MYO7B: variants seen among roughly 807,000 people sequenced by gnomAD.
MYO7B encodes myosin VIIB, also known as unconventional myosin-VIIb.
Under a neutral mutation model 259.7 loss-of-function variants are expected in MYO7B, and 212 were observed. That is an observed-to-expected ratio of 0.82 (90% CI 0.73 to 0.91). The LOEUF (loss-of-function observed/expected upper bound fraction) is 0.91. Among genes scored for constraint, MYO7B ranks in the 40% least tolerant of loss-of-function variants. The pLI is 0.00. For missense variants in MYO7B, 2,732 were observed against 2,813.5 expected (o/e 0.97, Z 0.66); for synonymous variants, 1,197 against 1,166.4 (o/e 1.03, Z -0.54).
At position 127,627,034 on chromosome 2, in the gene MYO7B, C is replaced by G. The variant is rs371680494; in HGVS notation, c.4275C>G (p.Ala1425=). ...PLAVREQVVD[A]ARLQWPLLFS... ...CCGTGCGAGAGCAGGTGGTGGACGC[C>G]GCCCGCCTGCAGTGGCCGCTGCTCT... The change falls in exon 32 of 48, where the codon GCC becomes GCG. Residue 1425 remains alanine (A), a synonymous_variant. Transcript: ENST00000409816. The surrounding 1 kb of genome is among the most constrained non-coding windows in gnomAD (Gnocchi z 5.6). 8.7e-6 allele frequency: 14 copies of G among 1,610,446 alleles called. No homozygotes were observed. The East Asian group carries it at 2.9e-4, about 33-fold the overall frequency.
chr2:127,559,728 G>T lies in MYO7B; in HGVS notation c.6G>T (p.Ser2=). The change falls in exon 2 of 48, where the codon TCG becomes TCT. Residue 2 remains serine (S), a synonymous_variant. Coordinates refer to ENST00000409816, the MANE Select transcript of MYO7B (RefSeq NM_001393586.1). This position sits in a 1 kb window ranked among gnomAD's most constrained non-coding sequence, Gnocchi z 4.1. ...TGTGGAACTGCTGACTCAGGATGTCGGGGTTCAGGCTGGTAAGAATTGTAT... is the reference window on the plus strand; with the variant it reads ...TGTGGAACTGCTGACTCAGGATGTCTGGGTTCAGGCTGGTAAGAATTGTAT... M[S]GFRLGDHVWL... The T allele has an allele frequency of 6.2e-7, 1 of 1,613,958 alleles. No homozygotes were observed. Among genetic ancestry groups the T allele is most frequent in the South Asian group, 1.1e-5 (1 of 91,086 alleles).
intron 12 of MYO7B, among the ~76,000 whole-genome samples, chr2:127,583,565 G>A (rs1679186505): frequency 6.6e-6 from 1 of 152,232 alleles, no homozygotes; most frequent in African/African-American, 2.4e-5. Context: ...GAGGGACAGA[G>A]ACAGAAACTC....
chr2:127,584,894 G>T lies in MYO7B; in HGVS notation c.1671G>T (p.Glu557Asp), dbSNP rs961481894. The T allele has an allele frequency of 6.8e-6, 11 of 1,613,936 alleles. No individual in the cohort carries two copies. The highest frequency in any genetic ancestry group is 9.3e-6 in the Non-Finnish European group (11 of 1,179,886). The change falls in exon 14 of 48, where the codon GAG becomes GAT. Residue 557 changes from glutamate to aspartate, a missense_variant. Transcript: ENST00000409816. The surrounding 1 kb of genome is among the most constrained non-coding windows in gnomAD (Gnocchi z 5.8). ...TTGGCATTGCCCATTTTGCCGGCGA[G>T]GTGTACTACCAAGCAGAAGGTGGGT... ...ARFGIAHFAGEVYYQAEGFLE... is the reference protein window; with the variant it reads ...ARFGIAHFAGDVYYQAEGFLE...
chr2:127,596,124 G>A (rs1266094949), intron 18 of MYO7B, among the ~76,000 whole-genome samples: 7 of 152,146 alleles, frequency 4.6e-5, no homozygotes, highest in South Asian at 2.1e-4. Flanking sequence ...GCTTTTACAC[G>A]GTTGGATGCA....
chr2:127,634,213 T>C lies in MYO7B; in HGVS notation c.5549T>C (p.Val1850Ala). 1 of 1,603,238 alleles carries C rather than the reference T, an allele frequency of 6.2e-7. No individual in the cohort carries two copies. The change falls in exon 41 of 48, where the codon GTG becomes GCG. Residue 1850 changes from valine (V) to alanine (A), a missense_variant. Coordinates refer to ENST00000409816, the MANE Select transcript of MYO7B (RefSeq NM_001393586.1). The part of the protein sequence containing the change: ...EVVANTRVRD[V>A]CDSIATRLQL... Reference sequence around the variant, plus strand: ...GTTGCCAACACACGGGTGCGGGATGTGTGTGACAGCATTGCCACCAGGCTG... The same window carrying C: ...GTTGCCAACACACGGGTGCGGGATGCGTGTGACAGCATTGCCACCAGGCTG...
In MYO7B at chr2:127,576,201, A is replaced by G. The variant is rs1229669433; in HGVS notation, c.736-394A>G. Among the ~76,000 whole-genome samples, 1 of 144,030 alleles carries G rather than the reference A, an allele frequency of 6.9e-6. No homozygotes were observed. The highest frequency in any genetic ancestry group is 2.6e-5 in the African/African-American group (1 of 39,144). The allele number at this position is 144,030 out of a possible 152,430, so 94.5% of individuals were successfully genotyped here. On this transcript the variant is annotated intron_variant, in intron 7 of 47. Coordinates refer to ENST00000409816, the MANE Select transcript of MYO7B (RefSeq NM_001393586.1). The surrounding 1 kb of genome is among the most constrained non-coding windows in gnomAD (Gnocchi z 4.9). ...GTGACAGAGCAAGACCTTCTCTCGGAAAAAAAAAAAATACTGAAGGCCTAG... is the reference window on the plus strand; with the variant it reads ...GTGACAGAGCAAGACCTTCTCTCGGGAAAAAAAAAAATACTGAAGGCCTAG...
At chr2:127,595,432 T>C (rs929758282) in intron 18 of MYO7B, among the ~76,000 whole-genome samples, 17 of 152,194 alleles carry the variant, frequency 1.1e-4, no homozygotes, top group African/African-American at 3.6e-4. Context: ...CCTGGATTCA[T>C]TGATTTTTTG....
intron 3 of MYO7B, among the ~76,000 whole-genome samples, 165 bp downstream of exon 3, chr2:127,564,431 G>A (rs1362394724): frequency 6.6e-6 from 1 of 152,180 alleles, no homozygotes; most frequent in Non-Finnish European, 1.5e-5. Context: ...TGGAGAACAT[G>A]GCCTGTGTGT....
intron 1 of MYO7B, among the ~76,000 whole-genome samples, chr2:127,536,964 C>T (rs560923321): frequency 1.3e-5 from 2 of 152,296 alleles, no homozygotes; most frequent in East Asian, 1.9e-4. Context: ...GAGGCGGCAC[C>T]ACAGGGATGA....
rs1681205947 is a variant in MYO7B at position 127,627,521 on chromosome 2, C to T, written c.4460+211C>T. ...CTGCCCATGAAGTACTCCATTGGGG[C>T]ATCACGCGTTGCACTGGCAGCTTCT... On this transcript the variant is annotated intron_variant, in intron 33 of 47. Coordinates refer to ENST00000409816, the MANE Select transcript of MYO7B (RefSeq NM_001393586.1). This position sits in a 1 kb window ranked among gnomAD's most constrained non-coding sequence, Gnocchi z 5.6. The T allele has an allele frequency of 2.7e-6, 2 of 731,722 alleles. No individual in the cohort carries two copies. The highest frequency in any genetic ancestry group is 2.4e-6 in the Non-Finnish European group (1 of 421,232). 45.3% of individuals were successfully genotyped at this position (731,722 alleles called of 1,614,324 possible). A position where few individuals can be genotyped will look rare whatever the true frequency, so the allele number is the denominator to read the frequency against.
chr2:127,571,835 AG>A (rs1468026039), intron 6 of MYO7B, among the ~76,000 whole-genome samples: 1 of 152,134 alleles, frequency 6.6e-6, no homozygotes, highest in Non-Finnish European at 1.5e-5. Context: ...TTTATAAGAT[AG>A]GTGTTACATC....
At position 127,595,887 on chromosome 2, in the gene MYO7B, T is replaced by G. The variant is rs1679752175; in HGVS notation, c.2245-575T>G. ...GCTGAGGGTGTTTTACTTCCAATTA[T>G]GTGATCAATTTTAGAGTAAGTGCAT... On this transcript the variant is annotated intron_variant, in intron 18 of 47. Transcript: ENST00000409816. 2.6e-5 allele frequency among the ~76,000 whole-genome samples: 4 copies of G among 152,232 alleles called. No individual in the cohort carries two copies. In the South Asian group the frequency reaches 8.3e-4, roughly 32 times the overall value.
intron 1 of MYO7B, among the ~76,000 whole-genome samples, chr2:127,555,367 T>A (rs11678062): frequency 0.12 from 17,786 of 152,196 alleles, 1,365 homozygotes; most frequent in South Asian, 0.31. Context: ...TGGGTTTTTG[T>A]TGTTGTTGTT....
chr2:127,545,031 A>C (rs1207079002), intron 1 of MYO7B, among the ~76,000 whole-genome samples: 4 of 152,136 alleles, frequency 2.6e-5, no homozygotes, highest in Non-Finnish European at 4.4e-5. Context: ...GGCCCTAACC[A>C]TGCTTTTTAA....
rs1038245018 is a variant in MYO7B at position 127,614,219 on chromosome 2, G to A, written c.3398+1616G>A. On this transcript the variant is annotated intron_variant, in intron 26 of 47. Coordinates refer to ENST00000409816, the MANE Select transcript of MYO7B (RefSeq NM_001393586.1). The surrounding 1 kb of genome is among the most constrained non-coding windows in gnomAD (Gnocchi z 4.6). ...CACTCCCATACAGTGCTGGTGTCCA[G>A]CAGTGATACTGTCCAACACTGATCC... Among the ~76,000 whole-genome samples, 3 of 152,186 alleles carry A rather than the reference G, an allele frequency of 2.0e-5. No individual in the cohort carries two copies. Among genetic ancestry groups the A allele is most frequent in the African/African-American group, 7.2e-5 (3 of 41,450 alleles).
chr2:127,612,745 T>C lies in MYO7B; in HGVS notation c.3398+142T>C. The stretch of plus-strand genomic sequence containing the variant: ...GCAGGCTGGGTCTCAGGACAGCAGA[T>C]GTCATAGCTACCGAGGGTTCTCTAT... On this transcript the variant is annotated intron_variant, in intron 26 of 47. Coordinates refer to ENST00000409816, the MANE Select transcript of MYO7B (RefSeq NM_001393586.1). 2.3e-6 allele frequency: 3 copies of C among 1,314,546 alleles called. No homozygotes were observed. In the South Asian group the frequency reaches 4.6e-5, roughly 20 times the overall value. 81.4% of individuals were successfully genotyped at this position (1,314,546 alleles called of 1,614,324 possible).
Position 127,578,244 on chromosome 2 carries a change from C to G in MYO7B, c.961C>G (p.Leu321Val). The part of the protein sequence containing the change: ...SDSESWDVIK[L>V]LAAILHLGNV... ...CTCCGAGAGCTGGGACGTCATCAAG[C>G]TGCTGGCTGCCATTCTCCACCTGGG... is the stretch of plus-strand genomic sequence containing the variant. Residue 321 changes from leucine to valine, a missense_variant, in exon 9 of 48, where the codon CTG becomes GTG. Around this residue, in one of 3 missense-constraint regions of MYO7B, gnomAD observed 1,906 missense variants for 2,026.4 expected, o/e 0.94. Coordinates refer to ENST00000409816, the MANE Select transcript of MYO7B (RefSeq NM_001393586.1). 6.2e-7 allele frequency: 1 copy of G among 1,613,776 alleles called. No homozygotes were observed. The highest frequency in any genetic ancestry group is 8.5e-7 in the Non-Finnish European group (1 of 1,179,866).
At chr2:127,592,714 G>GC in intron 16 of MYO7B, 80 bp from the exon 17 acceptor site, 1 of 1,524,310 alleles carries the variant, frequency 6.6e-7, no homozygotes, top group Non-Finnish European at 8.8e-7. Flanking sequence ...GTGGGCCCGT[G>GC]CCCGGTGGTG....
At chr2:127,551,420 T>C (rs1693439264) in intron 1 of MYO7B, among the ~76,000 whole-genome samples, 1 of 152,180 alleles carries the variant, frequency 6.6e-6, no homozygotes, top group Non-Finnish European at 1.5e-5. Context: ...TAGGGCTGTT[T>C]GAGCATCCTC....
Sources: gnomAD v4.1 joint callset for allele counts (sites outside exome capture counted in the v4.1 genomes callset) on GRCh38, gnomAD v4.1.1 for gene constraint, gnomAD v4.1.1 regional missense constraint, Gnocchi (gnomAD v3.1) non-coding constraint, MANE v1.5 for transcripts, NCBI Gene and HGNC (gene_info 2026-07-23, HGNC 2026-07-21) for gene names.